KALRN: variants seen among roughly 807,000 people sequenced by gnomAD.
KALRN encodes kalirin.
In KALRN, 70 loss-of-function variants were observed where a neutral mutation model predicts 353.7. The observed-to-expected ratio is 0.20, with a 90% CI of 0.16 to 0.24. The LOEUF (loss-of-function observed/expected upper bound fraction) is 0.24. Among genes scored for constraint, KALRN ranks in the 10% least tolerant of loss-of-function variants. KALRN has a pLI of 1.00. For synonymous variants in KALRN, 1,391 were observed against 1,434.8 expected (o/e 0.97, Z 0.69); for missense variants, 2,791 against 3,756.7 (o/e 0.74, Z 6.72).
chr3:124,435,171 A>T (rs2093418629), intron 17 of KALRN, among the ~76,000 whole-genome samples: 1 of 152,266 alleles, frequency 6.6e-6, no homozygotes, highest in African/African-American at 2.4e-5. Flanking sequence ...CCTCCTATGA[A>T]GGTTGGGAGA....
Position 124,442,039 on chromosome 3 carries a change from G to A in KALRN, c.3293G>A (p.Gly1098Glu), listed in dbSNP as rs781249162. The A allele has an allele frequency of 1.2e-6, 2 of 1,602,054 alleles. No homozygotes were observed. Among genetic ancestry groups the A allele is most frequent in the Admixed American group, 1.7e-5 (1 of 59,620 alleles). Reference sequence around the variant, plus strand: ...CCCAGTGTCGCCAGCCACACTCGGGGACCCGAGCAACAAGTGAAAGGTCAG... The same window carrying A: ...CCCAGTGTCGCCAGCCACACTCGGGAACCCGAGCAACAAGTGAAAGGTCAG... ...SMPSVASHTRGPEQQVKAILS... is the reference protein window; with the variant it reads ...SMPSVASHTREPEQQVKAILS... Residue 1098 changes from glycine (G) to glutamate (E), a missense_variant, in exon 19 of 60, where the codon GGA (glycine) becomes GAA (glutamate). Physicochemically the swap from Gly to Glu is moderately conservative, Grantham distance 98. This residue lies in a region of KALRN where 268 missense variants were observed against 347.0 expected (regional missense o/e 0.77). Coordinates refer to ENST00000682506, the MANE Select transcript of KALRN (RefSeq NM_001388419.1).
At chr3:124,551,368 C>T (rs1018411151) in intron 33 of KALRN, among the ~76,000 whole-genome samples, 1 of 152,210 alleles carries the variant, frequency 6.6e-6, no homozygotes, top group African/African-American at 2.4e-5. Context: ...AGGGCAAAAA[C>T]TTGACATGAA....
At chr3:124,603,046 A>G (rs6800980) in intron 34 of KALRN, among the ~76,000 whole-genome samples, 7,001 of 152,256 alleles carry the variant, frequency 0.046, 197 homozygotes, top group Middle Eastern at 0.078. Context: ...GGGATGGGTT[A>G]GCACTTCCAG....
rs187650929 is a variant in KALRN at position 124,515,991 on chromosome 3, C to A, written c.4935+19578C>A. ...CCCATATGAGTTTATCACCTATTTC[C>A]TATTTCTCACACATCAAACCATCAT... On this transcript the variant is annotated intron_variant, in intron 33 of 59. Transcript: ENST00000682506. Among the ~76,000 whole-genome samples, 484 of 152,282 alleles carry A rather than the reference C, an allele frequency of 3.2e-3. 1 individual carries two copies. The highest frequency in any genetic ancestry group is 5.3e-3 in the Non-Finnish European group (358 of 68,020).
At chr3:124,309,890 G>T (rs2078080919) in intron 6 of KALRN, among the ~76,000 whole-genome samples, 1 of 152,118 alleles carries the variant, frequency 6.6e-6, no homozygotes, top group Non-Finnish European at 1.5e-5. Flanking sequence ...CGACACTCTT[G>T]CCCCTTCCAT....
chr3:124,460,179 G>A (rs1025938867), intron 23 of KALRN, among the ~76,000 whole-genome samples: 11 of 152,204 alleles, frequency 7.2e-5, no homozygotes, highest in African/African-American at 2.7e-4. Flanking sequence ...CAGTACTGCA[G>A]TGATACTGTT....
intron 1 of KALRN, among the ~76,000 whole-genome samples, chr3:124,061,655 G>T (rs1240060554): frequency 6.6e-6 from 1 of 152,132 alleles, no homozygotes; most frequent in African/African-American, 2.4e-5. Context: ...AGAACAGTAT[G>T]TGGCTACATC....
At chr3:124,472,656 C>T (rs1211535987) in intron 25 of KALRN, among the ~76,000 whole-genome samples, 3 of 151,532 alleles carry the variant, frequency 2.0e-5, no homozygotes, top group Non-Finnish European at 2.9e-5. Context: ...ATTCTTTTCT[C>T]AACAGAAAAG....
chr3:124,451,729 T>C (rs1377315678), intron 21 of KALRN, among the ~76,000 whole-genome samples: 8 of 152,120 alleles, frequency 5.3e-5, no homozygotes, highest in Non-Finnish European at 5.9e-5. Flanking sequence ...GAACAAGAAA[T>C]GTGGCATAGT....
intron 1 of KALRN, among the ~76,000 whole-genome samples, chr3:124,184,943 G>T (rs1038041837): frequency 1.3e-5 from 2 of 152,176 alleles, no homozygotes; most frequent in Non-Finnish European, 2.9e-5. Context: ...GCATTTAAAT[G>T]ATGAATAGGA....
In KALRN at chr3:124,086,455, A is replaced by T. The variant is rs1239022415; in HGVS notation, c.73+52642A>T. Among the ~76,000 whole-genome samples, 4 of 151,904 alleles carry T rather than the reference A, an allele frequency of 2.6e-5. No individual in the cohort carries two copies. In the East Asian group the frequency reaches 7.7e-4, roughly 29 times the overall value. On this transcript the variant is annotated intron_variant, in intron 1 of 59. Coordinates refer to ENST00000682506, the MANE Select transcript of KALRN (RefSeq NM_001388419.1). ...AATGGTCAGCATCTTTTTACTTTTTATCAGTCATTTATATTTCCTTATCTG... is the reference window on the plus strand; with the variant it reads ...AATGGTCAGCATCTTTTTACTTTTTTTCAGTCATTTATATTTCCTTATCTG...
At chr3:124,442,813 C>T (rs1047971519) in intron 19 of KALRN, among the ~76,000 whole-genome samples, 1 of 151,798 alleles carries the variant, frequency 6.6e-6, no homozygotes, top group Non-Finnish European at 1.5e-5. Flanking sequence ...ATTGAGACCC[C>T]ATCTCTACAA....
chr3:124,277,311 G>A (rs543491905), intron 5 of KALRN, among the ~76,000 whole-genome samples: 2 of 152,152 alleles, frequency 1.3e-5, no homozygotes, highest in African/African-American at 2.4e-5. Flanking sequence ...GAAAGGCTCC[G>A]GTGCCCTCTT....
In KALRN at chr3:124,151,467, T is replaced by C. The variant is rs190773451; in HGVS notation, c.74-76523T>C. ...TAATGAAGTCTAGAACATTTTCATA[T>C]GTTTATTCGCCATTTGGATATCCTC... On this transcript the variant is annotated intron_variant, in intron 1 of 59. Coordinates refer to ENST00000682506, the MANE Select transcript of KALRN (RefSeq NM_001388419.1). Among the ~76,000 whole-genome samples, 40 of 152,364 alleles carry C rather than the reference T, an allele frequency of 2.6e-4. No individual in the cohort carries two copies. The East Asian group carries it at 6.9e-3, about 26-fold the overall frequency.
At chr3:124,598,657 G>GTTTT (rs143021498) in intron 34 of KALRN, among the ~76,000 whole-genome samples, 2 of 151,786 alleles carry the variant, frequency 1.3e-5, no homozygotes, top group Non-Finnish European at 2.9e-5. Context: ...TTGTGTTGTT[G>GTTTT]TTGTTTGTTT....
At chr3:124,064,430 G>T (rs553262985) in intron 1 of KALRN, among the ~76,000 whole-genome samples, 1 of 152,282 alleles carries the variant, frequency 6.6e-6, no homozygotes, top group East Asian at 1.9e-4. Flanking sequence ...TGAAGAGCAG[G>T]CAGGGCAGCC....
chr3:124,216,313 G>A (rs532642990), intron 1 of KALRN, among the ~76,000 whole-genome samples: 1 of 152,320 alleles, frequency 6.6e-6, no homozygotes, highest in South Asian at 2.1e-4. Context: ...GCAGAGCCTA[G>A]AAAATAGGAT....
chr3:124,182,328 G>A (rs746149538), intron 1 of KALRN, among the ~76,000 whole-genome samples: 15 of 152,168 alleles, frequency 9.9e-5, no homozygotes, highest in African/African-American at 2.4e-4. Context: ...TCAAGATATC[G>A]TCCAGGGTTG....
chr3:124,333,732 A>G (rs564957418), intron 8 of KALRN, among the ~76,000 whole-genome samples: 13 of 152,288 alleles, frequency 8.5e-5, no homozygotes, highest in African/African-American at 3.1e-4. Flanking sequence ...TACTAAAAAT[A>G]CAGAAATTAG....
Sources: gnomAD v4.1 joint callset for allele counts (sites outside exome capture counted in the v4.1 genomes callset) on GRCh38, gnomAD v4.1.1 for gene constraint, gnomAD v4.1.1 regional missense constraint, MANE v1.5 for transcripts, NCBI Gene and HGNC (gene_info 2026-07-23, HGNC 2026-07-21) for gene names.